HDGFL3: variants seen among roughly 807,000 people sequenced by gnomAD.
HDGFL3 encodes hepatoma-derived growth factor-related protein 3.
Under a neutral mutation model 27.6 loss-of-function variants are expected in HDGFL3, and 6 were observed. The observed-to-expected ratio is 0.22, with a 90% CI of 0.12 to 0.43. HDGFL3 has a LOEUF of 0.43. HDGFL3 is among the 20% of genes least tolerant of loss of function. The probability of loss-of-function intolerance (pLI) is 1.00; values close to 1 mark genes in which losing one functional copy is unlikely to be tolerated. For missense variants in HDGFL3, 207 were observed against 250.1 expected (o/e 0.83, Z 1.16); for synonymous variants, 88 against 88.9 (o/e 0.99, Z 0.05).
Position 83,207,509 on chromosome 15 carries a change from G to A in HDGFL3, c.-95C>T. The A allele has an allele frequency of 9.8e-7, 1 of 1,018,562 alleles. No individual in the cohort carries two copies. The highest frequency in any genetic ancestry group is 1.3e-6 in the Non-Finnish European group (1 of 790,784). 63.1% of individuals were successfully genotyped at this position (1,018,562 alleles called of 1,614,324 possible). ...CGACGAATTGCGCCGCGCTCCCCGC[G>A]GGCCTCAAGCCGGGCGGACGAGCGG... On this transcript the variant is annotated 5_prime_UTR_variant, in exon 1 of 6. Transcript: ENST00000299633. The surrounding 1 kb of genome is among the most constrained non-coding windows in gnomAD (Gnocchi z 4.8).
At chr15:83,167,942 A>G (rs760310589) in intron 1 of HDGFL3, among the ~76,000 whole-genome samples, 4 of 152,192 alleles carry the variant, frequency 2.6e-5, no homozygotes, top group Non-Finnish European at 5.9e-5. Context: ...AAAAGACAAA[A>G]AATCATATCA....
At chr15:83,163,078 TC>T (rs2037120733) in intron 2 of HDGFL3, among the ~76,000 whole-genome samples, 1 of 152,206 alleles carries the variant, frequency 6.6e-6, no homozygotes, top group African/African-American at 2.4e-5. Flanking sequence ...CAAGTTCTTG[TC>T]ACTGGAATGA....
intron 1 of HDGFL3, among the ~76,000 whole-genome samples, chr15:83,165,433 C>T (rs2037157560): frequency 6.6e-6 from 1 of 152,036 alleles, no homozygotes. Context: ...TAATAAATGC[C>T]AGGTAGTTGT....
intron 4 of HDGFL3, among the ~76,000 whole-genome samples, chr15:83,152,750 C>G: frequency 6.7e-6 from 1 of 149,680 alleles, no homozygotes; most frequent in Middle Eastern, 3.5e-3. Context: ...TATAATTAAA[C>G]TGTTTCTATT....
chr15:83,147,062 CTTCT>C (rs778966003), intron 5 of HDGFL3, among the ~76,000 whole-genome samples: 33 of 151,742 alleles, frequency 2.2e-4, no homozygotes, highest in African/African-American at 3.1e-4. Flanking sequence ...GATCTTATAC[CTTCT>C]TTCTTTTTTT....
intron 5 of HDGFL3, among the ~76,000 whole-genome samples, chr15:83,148,960 G>A (rs527882052): frequency 3.2e-4 from 48 of 152,242 alleles, no homozygotes; most frequent in African/African-American, 1.0e-3. Context: ...GAAAGAATAC[G>A]TAAATAGATA....
chr15:83,122,032 T>C, intron 3 of HDGFL3: 2 of 1,548,346 alleles, frequency 1.3e-6, no homozygotes, highest in Non-Finnish European at 1.8e-6. Flanking sequence ...AAGTTCACTT[T>C]CCTTTTCTAA....
chr15:83,171,675 T>TGGGA (rs1376597743), intron 1 of HDGFL3, among the ~76,000 whole-genome samples: 3 of 152,032 alleles, frequency 2.0e-5, no homozygotes, highest in East Asian at 3.9e-4. Flanking sequence ...TACTTGTAAG[T>TGGGA]GGGAGCTAAG....
rs539885394 is a variant in HDGFL3, at chr15:83,175,929, C to A, written c.85-11854G>T. ...TGAACACACAACACCCAACACTGGACAGATGAGACAGATTCTTAGCCACGT... is the reference window on the plus strand; with the variant it reads ...TGAACACACAACACCCAACACTGGAAAGATGAGACAGATTCTTAGCCACGT... On this transcript the variant is annotated intron_variant, in intron 1 of 5. Transcript: ENST00000299633. Among the ~76,000 whole-genome samples the A allele has an allele frequency of 9.6e-4, 146 of 152,292 alleles. 1 individual carries two copies. The highest frequency in any genetic ancestry group is 1.7e-3 in the Non-Finnish European group (116 of 68,016).
At chr15:83,194,360 T>C (rs2037545727) in intron 1 of HDGFL3, among the ~76,000 whole-genome samples, 1 of 152,094 alleles carries the variant, frequency 6.6e-6, no homozygotes, top group African/African-American at 2.4e-5. Context: ...AGCCCACTCA[T>C]AGAGACACAA....
chr15:83,136,837 T>G lies in HDGFL3; in HGVS notation c.*2433A>C, dbSNP rs1440777287. Reference sequence around the variant, plus strand: ...TATATGGTATTGTGTAAATTTTTTTTGAAGGAAAATGGAAATTCTTGAGAA... The same window carrying G: ...TATATGGTATTGTGTAAATTTTTTTGGAAGGAAAATGGAAATTCTTGAGAA... On this transcript the variant is annotated 3_prime_UTR_variant, in exon 6 of 6. Coordinates refer to ENST00000299633, the MANE Select transcript of HDGFL3 (RefSeq NM_016073.4). The G allele has an allele frequency of 1.3e-5, 6 of 452,354 alleles. No individual in the cohort carries two copies. Among genetic ancestry groups the G allele is most frequent in the East Asian group, 3.5e-5 (1 of 28,340 alleles). The allele number at this position is 452,354 out of a possible 1,614,324, so 28.0% of individuals were successfully genotyped here. A position where few individuals can be genotyped will look rare whatever the true frequency, so the allele number is the denominator to read the frequency against.
intron 3 of HDGFL3, chr15:83,119,454 T>C: frequency 9.9e-7 from 1 of 1,005,992 alleles, no homozygotes; most frequent in Non-Finnish European, 1.5e-6. Flanking sequence ...TTTGAAGAAA[T>C]AGTTTCATCT....
intron 1 of HDGFL3, among the ~76,000 whole-genome samples, chr15:83,183,896 A>G (rs555454040): frequency 1.1e-4 from 16 of 152,322 alleles, no homozygotes; most frequent in Non-Finnish European, 1.9e-4. Context: ...CATCTCCCCA[A>G]TAATGACTCT....
chr15:83,124,859 G>A, downstream of HDGFL3: 3 of 1,260,568 alleles, frequency 2.4e-6, no homozygotes, highest in Non-Finnish European at 3.4e-6. Context: ...ATATGTTTTT[G>A]TTTTTCCATC....
intron 1 of HDGFL3, chr15:83,184,518 ACT>A (rs1236977919): frequency 2.0e-5 from 3 of 152,132 alleles, no homozygotes; most frequent in Admixed American, 1.3e-4. Flanking sequence ...AAATATAATC[ACT>A]GTTAATAATA....
In HDGFL3 at chr15:83,128,445, A is replaced by T. The variant is rs1183716189; in HGVS notation, c.*10825T>A. ...AGGGGCTTAAGAAGGAAGAGAACTA[A>T]CATTTATTGCTCTTTGCTGGTTGTT... is the stretch of plus-strand genomic sequence containing the variant. On this transcript the variant is annotated 3_prime_UTR_variant, in exon 6 of 6. Transcript: ENST00000299633. 2 of 152,232 alleles carry T rather than the reference A, an allele frequency of 1.3e-5. No homozygotes were observed. Among genetic ancestry groups the T allele is most frequent in the Non-Finnish European group, 2.9e-5 (2 of 68,050 alleles). The allele number at this position is 152,232 out of a possible 1,614,324, so 9.4% of individuals were successfully genotyped here. A position where few individuals can be genotyped will look rare whatever the true frequency, so the allele number is the denominator to read the frequency against.
chr15:83,164,367 C>CAAAAAAAAAAAAAAAAAAAAAAAAAAAAA (rs869303457), intron 1 of HDGFL3, among the ~76,000 whole-genome samples: 1 of 38,378 alleles, frequency 2.6e-5, no homozygotes, highest in Non-Finnish European at 4.8e-5. Flanking sequence ...TTAGAGTAAC[C>CAAAAAAAAAAAAAAAAAAAAAAAAAAAAA]AAAAAAAAAA....
downstream of HDGFL3, among the ~76,000 whole-genome samples, chr15:83,126,601 C>A (rs2035766748): frequency 6.6e-6 from 1 of 152,168 alleles, no homozygotes; most frequent in African/African-American, 2.4e-5. Context: ...AACAAATCTG[C>A]AAAATATTTC....
intron 2 of HDGFL3, 175 bp downstream of exon 2, chr15:83,163,824 A>C: frequency 1.8e-6 from 1 of 569,720 alleles, no homozygotes. Flanking sequence ...TTTTAGTCAT[A>C]AAGACTTCTA....
Sources: allele counts gnomAD v4.1 joint callset (sites outside exome capture counted in the v4.1 genomes callset), GRCh38; gene constraint gnomAD v4.1.1; non-coding constraint Gnocchi (gnomAD v3.1); transcripts MANE v1.5; gene names NCBI Gene and HGNC (gene_info 2026-07-23, HGNC 2026-07-21).